RBM26: variants seen among roughly 807,000 people sequenced by gnomAD.
RBM26 encodes the protein RNA binding motif protein 26, also known as RNA-binding protein 26.
In RBM26, 30 loss-of-function variants were observed where a neutral mutation model predicts 123.6. The ratio of observed to expected loss-of-function variants is 0.24; its 90% CI spans 0.18 to 0.33. The LOEUF (loss-of-function observed/expected upper bound fraction) is 0.33, where lower values mean the gene tolerates loss of function less well. Ranked by LOEUF, RBM26 falls within the 10% of genes least tolerant of loss-of-function variation. The pLI is 1.00. For missense variants in RBM26, 947 were observed against 1,203.6 expected (o/e 0.79, Z 3.15); for synonymous variants, 400 against 404.4 (o/e 0.99, Z 0.13).
Position 79,368,859 on chromosome 13 carries a change from T to C in RBM26, c.766A>G (p.Thr256Ala), listed in dbSNP as rs754117593. ...CCATGATGAGTAGGAGCAATTACTG[T>C]AATAGTGCTGCTCAAAGTAGGTACA... ...YPVPTLSSTI[T>A]VIAPTHHGNN... The change falls in exon 6 of 22, where the codon ACA becomes GCA. Residue 256 changes from threonine to alanine, a missense_variant. By Grantham distance (58) the Thr-to-Ala change is moderately conservative. Around this residue, in one of 5 missense-constraint regions of RBM26, gnomAD observed 275 missense variants for 361.0 expected, o/e 0.76. Transcript: ENST00000438737. 1 of 1,613,938 alleles carries C rather than the reference T, an allele frequency of 6.2e-7. No homozygotes were observed. Among genetic ancestry groups the C allele is most frequent in the Non-Finnish European group, 8.5e-7 (1 of 1,179,864 alleles).
At chr13:79,353,935 A>G (rs1008957713) in intron 13 of RBM26, among the ~76,000 whole-genome samples, 1 of 152,216 alleles carries the variant, frequency 6.6e-6, no homozygotes, top group African/African-American at 2.4e-5. Flanking sequence ...AGAGTCAGGA[A>G]TAAGTGATGC....
At chr13:79,358,231 TA>T (rs1370951103) in intron 11 of RBM26, 42 bp downstream of exon 11, 1 of 1,500,850 alleles carries the variant, frequency 6.7e-7, no homozygotes. Context: ...TTAAGTTCCC[TA>T]AACAGAAAGA....
At chr13:79,380,094 A>G (rs1178239405) in intron 1 of RBM26, among the ~76,000 whole-genome samples, 1 of 152,208 alleles carries the variant, frequency 6.6e-6, no homozygotes, top group East Asian at 1.9e-4. Context: ...TGCAATTTAC[A>G]TCTACGAATT....
chr13:79,405,911 G>A lies in RBM26; in HGVS notation c.-137C>T. The stretch of plus-strand genomic sequence containing the variant: ...GGAGGCGCCGGTGGCAGGTTCCCGC[G>A]GGCCCCGGTCGGCGAACAGCTCTGC... On this transcript the variant is annotated 5_prime_UTR_variant, in exon 1 of 22. Transcript: ENST00000438737. The A allele has an allele frequency of 2.6e-6, 1 of 391,118 alleles. No homozygotes were observed. Among genetic ancestry groups the A allele is most frequent in the Admixed American group, 4.8e-5 (1 of 21,050 alleles). The allele number at this position is 391,118 out of a possible 1,614,324, so 24.2% of individuals were successfully genotyped here.
intron 1 of RBM26, among the ~76,000 whole-genome samples, chr13:79,386,430 AG>A (rs2077489639): frequency 6.6e-6 from 1 of 151,080 alleles, no homozygotes; most frequent in Non-Finnish European, 1.5e-5. Flanking sequence ...AAAAAAAAAA[AG>A]AAGTGCCCAT....
In RBM26 at chr13:79,328,425, C is replaced by T. The variant is rs540558306; in HGVS notation, c.2820+5919G>A. On this transcript the variant is annotated intron_variant, in intron 20 of 21. Coordinates refer to ENST00000438737, the MANE Select transcript of RBM26 (RefSeq NM_001366735.2). The stretch of plus-strand genomic sequence containing the variant: ...CAGGCTTCCTATTTCACTCCTTAGA[C>T]CAAATAAGTTCCACGTAAATTTTTA... 3.6e-4 allele frequency among the ~76,000 whole-genome samples: 55 copies of T among 151,126 alleles called. 1 individual carries two copies. Among genetic ancestry groups the T allele is most frequent in the African/African-American group, 1.2e-3 (51 of 41,190 alleles).
chr13:79,386,884 T>C (rs1447633277), intron 1 of RBM26, among the ~76,000 whole-genome samples: 2 of 152,104 alleles, frequency 1.3e-5, no homozygotes, highest in African/African-American at 2.4e-5. Flanking sequence ...GCACTAAAAC[T>C]AGAAATACAA....
intron 11 of RBM26, among the ~76,000 whole-genome samples, chr13:79,355,634 G>C (rs908028698): frequency 1.3e-5 from 2 of 152,144 alleles, no homozygotes; most frequent in African/African-American, 2.4e-5. Flanking sequence ...GTTACATATA[G>C]GCATTCAAAG....
Position 79,355,322 on chromosome 13 carries a change from C to A in RBM26, c.1752G>T (p.Lys584Asn). The A allele has an allele frequency of 6.2e-7, 1 of 1,613,860 alleles. No individual in the cohort carries two copies. The highest frequency in any genetic ancestry group is 8.5e-7 in the Non-Finnish European group (1 of 1,179,782). The change falls in exon 12 of 22, where the codon AAG (lysine) becomes AAT (asparagine). Residue 584 changes from lysine (K) to asparagine (N), a missense_variant. Around this residue, in one of 5 missense-constraint regions of RBM26, gnomAD observed 493 missense variants for 563.1 expected, o/e 0.88. Coordinates refer to ENST00000438737, the MANE Select transcript of RBM26 (RefSeq NM_001366735.2). ...LIQFATYEEAKKAISSTEAVL... is the reference protein window; with the variant it reads ...LIQFATYEEANKAISSTEAVL... ...CTGCTTCCGTACTTGATATTGCTTT[C>A]TTTGCTTCTTCGTATGTTGCAAATT...
At position 79,320,402 on chromosome 13, in the gene RBM26, T is replaced by A; in HGVS notation, c.*219A>T. ...ATAAAAACATTGCATATGTTTCTAGTGTGATGTCTTTAGCAATTGTTTACT... is the reference window on the plus strand; with the variant it reads ...ATAAAAACATTGCATATGTTTCTAGAGTGATGTCTTTAGCAATTGTTTACT... On this transcript the variant is annotated 3_prime_UTR_variant, in exon 22 of 22. Transcript: ENST00000438737. 1 of 1,186,528 alleles carries A rather than the reference T, an allele frequency of 8.4e-7. No individual in the cohort carries two copies. The highest frequency in any genetic ancestry group is 4.2e-5 in the Admixed American group (1 of 23,612). The allele number at this position is 1,186,528 out of a possible 1,614,324, so 73.5% of individuals were successfully genotyped here.
rs773426714 is a variant in RBM26, at chr13:79,355,329, T to C, written c.1745A>G (p.Glu582Gly). The C allele has an allele frequency of 3.7e-6, 6 of 1,613,794 alleles. No homozygotes were observed. Among genetic ancestry groups the C allele is most frequent in the Non-Finnish European group, 5.1e-6 (6 of 1,179,822 alleles). ...CGTACTTGATATTGCTTTCTTTGCT[T>C]CTTCGTATGTTGCAAATTGGATTAG... ...GALIQFATYE[E>G]AKKAISSTEA... The change falls in exon 12 of 22, where the codon GAA becomes GGA. Residue 582 changes from glutamate to glycine, a missense_variant. Around this residue, in one of 5 missense-constraint regions of RBM26, gnomAD observed 493 missense variants for 563.1 expected, o/e 0.88. Coordinates refer to ENST00000438737, the MANE Select transcript of RBM26 (RefSeq NM_001366735.2).
chr13:79,395,804 G>A (rs1178245766), intron 1 of RBM26, among the ~76,000 whole-genome samples: 1 of 151,490 alleles, frequency 6.6e-6, no homozygotes, highest in East Asian at 1.9e-4. Context: ...AAAGCAAAGG[G>A]ACAAAAGTAA....
chr13:79,372,835 A>ATTAT (rs1491406231), intron 3 of RBM26, among the ~76,000 whole-genome samples: 1 of 99,790 alleles, frequency 1.0e-5, no homozygotes, highest in African/African-American at 7.3e-5. Context: ...TATTTTATAT[A>ATTAT]AATATATTAT....
intron 20 of RBM26, among the ~76,000 whole-genome samples, 185 bp from the exon 21 acceptor site, chr13:79,322,647 T>C (rs550105481): frequency 6.6e-6 from 1 of 151,684 alleles, no homozygotes; most frequent in South Asian, 2.1e-4. Context: ...TTACTTTTTA[T>C]GGTTATTTAC....
chr13:79,388,809 C>T (rs1033430689), intron 1 of RBM26, among the ~76,000 whole-genome samples: 1 of 152,154 alleles, frequency 6.6e-6, no homozygotes, highest in Non-Finnish European at 1.5e-5. Context: ...AAGATAAGCA[C>T]TTGAGATCAT....
At chr13:79,375,975 T>C (rs1194648350) in intron 3 of RBM26, among the ~76,000 whole-genome samples, 2 of 151,832 alleles carry the variant, frequency 1.3e-5, no homozygotes, top group African/African-American at 4.8e-5. Flanking sequence ...AAGCACTTGA[T>C]TGGTGCTTTA....
intron 2 of RBM26, among the ~76,000 whole-genome samples, chr13:79,377,919 C>T (rs1294741352): frequency 1.0e-5 from 1 of 98,966 alleles, no homozygotes; most frequent in Admixed American, 1.2e-4. Flanking sequence ...CAGAGCAAGA[C>T]TCCGTCTCAA....
At position 79,320,544 on chromosome 13, in the gene RBM26, A is replaced by G; in HGVS notation, c.*77T>C. The stretch of plus-strand genomic sequence containing the variant: ...ATTTTACCAAAAATTGTTTTTACAA[A>G]TATGTAAAAGTACATTAGATAATAC... On this transcript the variant is annotated 3_prime_UTR_variant, in exon 22 of 22. Transcript: ENST00000438737. 3 of 1,318,092 alleles carry G rather than the reference A, an allele frequency of 2.3e-6. No homozygotes were observed. Among genetic ancestry groups the G allele is most frequent in the Non-Finnish European group, 2.9e-6 (3 of 1,022,650 alleles). 81.6% of individuals were successfully genotyped at this position (1,318,092 alleles called of 1,614,324 possible).
At chr13:79,322,226 C>T in intron 21 of RBM26, 123 bp downstream of exon 21, 3 of 540,012 alleles carry the variant, frequency 5.6e-6, no homozygotes, top group South Asian at 3.4e-5. Context: ...ATCTGATATC[C>T]CCTGCCTGGA....
Sources: allele counts gnomAD v4.1 joint callset (sites outside exome capture counted in the v4.1 genomes callset), GRCh38; gene constraint gnomAD v4.1.1; regional missense constraint gnomAD v4.1.1; transcripts MANE v1.5; gene names NCBI Gene and HGNC (gene_info 2026-07-23, HGNC 2026-07-21).